IRAK1BP1: variants seen among roughly 807,000 people sequenced by gnomAD.
IRAK1BP1 encodes the protein interleukin 1 receptor associated kinase 1 binding protein 1, also known as interleukin-1 receptor-associated kinase 1-binding protein 1.
Under a neutral mutation model 28.0 loss-of-function variants are expected in IRAK1BP1, and 24 were observed. That is an observed-to-expected ratio of 0.86 (90% confidence interval 0.62 to 1.20). The LOEUF is 1.20. Ranked by LOEUF, IRAK1BP1 falls within the 50% of genes most tolerant of loss-of-function variation. The pLI, the probability that IRAK1BP1 is intolerant of heterozygous loss-of-function variation, is 0.00. For synonymous variants in IRAK1BP1, 131 were observed against 116.3 expected, an observed-to-expected ratio of 1.13 and a Z score of -0.81; for missense variants, 336 against 316.7, an observed-to-expected ratio of 1.06 and a Z score of -0.46.
chr6:78,956,252 T>C, the IRAK1BP1 span: 1 of 152,256 alleles, frequency 6.6e-6, no homozygotes, highest in African/African-American at 2.4e-5. Flanking sequence ...GTAATGGGAA[T>C]CTTGGTTTTT....
the IRAK1BP1 span, chr6:78,954,771 T>C: frequency 4.2e-5 from 55 of 1,325,238 alleles, no homozygotes; most frequent in East Asian, 4.0e-4. Flanking sequence ...AAAAGGTATG[T>C]AGCAAACTGA....
At chr6:78,911,585 A>AC (rs1213079379) in intron 4 of IRAK1BP1, among the ~76,000 whole-genome samples, 1 of 152,194 alleles carries the variant, frequency 6.6e-6, no homozygotes, top group African/African-American at 2.4e-5. Flanking sequence ...ATCCTGCAGG[A>AC]CTGCCACCTC....
At position 78,922,177 on chromosome 6, in the gene IRAK1BP1, A is replaced by T. The variant is rs551779934; in HGVS notation, c.*67+19067A>T. 6.2e-4 allele frequency among the ~76,000 whole-genome samples: 94 copies of T among 152,350 alleles called. No homozygotes were observed. In the South Asian group the frequency reaches 9.3e-3, roughly 15 times the overall value. Reference sequence around the variant, plus strand: ...TGGCAAAGAAGTTAAAAGTCTTGAAAAAAGATTAGATGAATGGCTAATTAG... The same window carrying T: ...TGGCAAAGAAGTTAAAAGTCTTGAATAAAGATTAGATGAATGGCTAATTAG... On this transcript the variant is annotated intron_variant and NMD_transcript_variant, in intron 4 of 4. Coordinates refer to the IRAK1BP1 transcript ENST00000606868.
downstream of IRAK1BP1, among the ~76,000 whole-genome samples, chr6:78,907,314 G>A (rs1373386592): frequency 6.6e-6 from 1 of 152,044 alleles, no homozygotes; most frequent in Non-Finnish European, 1.5e-5. Flanking sequence ...TTTCTTCCTA[G>A]TTATACCTAT....
chr6:78,910,718 G>A (rs764426542), intron 4 of IRAK1BP1, among the ~76,000 whole-genome samples: 7 of 152,270 alleles, frequency 4.6e-5, no homozygotes, highest in African/African-American at 1.2e-4. Flanking sequence ...CGCAGGCGGC[G>A]GCCGCAAGGA....
downstream of IRAK1BP1, among the ~76,000 whole-genome samples, chr6:78,907,662 A>C (rs1052354770): frequency 6.6e-6 from 1 of 152,208 alleles, no homozygotes; most frequent in East Asian, 1.9e-4. Flanking sequence ...AAATTGAGGT[A>C]GCCTAATTAT....
the IRAK1BP1 span, among the ~76,000 whole-genome samples, chr6:78,951,783 T>C: frequency 1.3e-5 from 2 of 152,220 alleles, no homozygotes; most frequent in African/African-American, 4.8e-5. Flanking sequence ...TTTCTTTATA[T>C]AAAAATTCAT....
chr6:78,868,576 A>G (rs1337135001), intron 1 of IRAK1BP1, among the ~76,000 whole-genome samples: 1 of 152,240 alleles, frequency 6.6e-6, no homozygotes, highest in Non-Finnish European at 1.5e-5. Flanking sequence ...ATCACTAAAC[A>G]AATCTTACCT....
chr6:78,943,989 TTAAAAAAAAAA>T (rs1477079575), intron 4 of IRAK1BP1, among the ~76,000 whole-genome samples: 1 of 46,822 alleles, frequency 2.1e-5, no homozygotes, highest in Admixed American at 2.7e-4. Flanking sequence ...CTGTCTTTTT[TTAAAAAAAAAA>T]AAAAAAAAAA....
chr6:78,896,964 C>A (rs917324516), intron 2 of IRAK1BP1, among the ~76,000 whole-genome samples: 1 of 151,950 alleles, frequency 6.6e-6, no homozygotes, highest in Admixed American at 6.6e-5. Flanking sequence ...GTTAAGGGTT[C>A]TTTAGAAGAA....
the IRAK1BP1 span, chr6:78,970,240 T>G: frequency 2.1e-6 from 3 of 1,402,496 alleles, no homozygotes; most frequent in Non-Finnish European, 2.9e-6. Flanking sequence ...CTGCTAAACA[T>G]TGTTGAGAAA....
chr6:78,977,744 T>C, the IRAK1BP1 span, among the ~76,000 whole-genome samples: 1 of 152,210 alleles, frequency 6.6e-6, no homozygotes, highest in Non-Finnish European at 1.5e-5. Flanking sequence ...CACTGTACTA[T>C]ATCACAACAA....
chr6:78,867,882 G>C lies in IRAK1BP1; in HGVS notation c.306G>C (p.Gln102His). ...LDYITQSLQQ[Q>H]GVQAENITVT... The stretch of plus-strand genomic sequence containing the variant: ...ACATCACGCAGAGCCTCCAGCAGCA[G>C]GGCGTGCAGGTGAGATCTCCGCGGG... Residue 102 changes from glutamine (Q) to histidine (H), a missense_variant, in exon 1 of 4, where the codon CAG becomes CAC. Gln to His is a conservative substitution (Grantham distance 24). Coordinates refer to ENST00000369940, the MANE Select transcript of IRAK1BP1 (RefSeq NM_001010844.4). 6.3e-7 allele frequency: 1 copy of C among 1,592,396 alleles called. No homozygotes were observed. Among genetic ancestry groups the C allele is most frequent in the Non-Finnish European group, 8.6e-7 (1 of 1,168,822 alleles).
intron 4 of IRAK1BP1, among the ~76,000 whole-genome samples, chr6:78,912,258 A>G (rs1772447227): frequency 6.6e-6 from 1 of 152,180 alleles, no homozygotes; most frequent in African/African-American, 2.4e-5. Flanking sequence ...GTGCCAGAAT[A>G]GAGAGCAAAG....
At chr6:78,955,265 A>T in the IRAK1BP1 span, 1 of 1,610,292 alleles carries the variant, frequency 6.2e-7, no homozygotes, top group Non-Finnish European at 8.5e-7. Flanking sequence ...CTGGCACATC[A>T]GCATCTTTCT....
the IRAK1BP1 span, chr6:78,955,187 T>G: frequency 8.2e-6 from 11 of 1,347,490 alleles, no homozygotes; most frequent in South Asian, 1.1e-4. Flanking sequence ...CTTAATACAT[T>G]TTAATTCATA....
chr6:78,906,227 CTTT>C (rs143597980), downstream of IRAK1BP1, among the ~76,000 whole-genome samples: 3 of 149,472 alleles, frequency 2.0e-5, no homozygotes, highest in African/African-American at 7.4e-5. Flanking sequence ...ATTGAATACT[CTTT>C]TTTTTTTCTG....
intron 1 of IRAK1BP1, among the ~76,000 whole-genome samples, chr6:78,883,538 A>G (rs1771305609): frequency 6.6e-6 from 1 of 152,164 alleles, no homozygotes; most frequent in South Asian, 2.1e-4. Context: ...TATCTCTCTA[A>G]TAATTTTTCA....
chr6:78,867,947 A>G lies in IRAK1BP1; in HGVS notation c.315+56A>G, dbSNP rs1770645020. 3 of 1,477,050 alleles carry G rather than the reference A, an allele frequency of 2.0e-6. 1 individual carries two copies. The highest frequency in any genetic ancestry group is 2.7e-6 in the Non-Finnish European group (3 of 1,107,468). 91.5% of individuals were successfully genotyped at this position (1,477,050 alleles called of 1,614,324 possible). A position where few individuals can be genotyped will look rare whatever the true frequency, so the allele number is the denominator to read the frequency against. On this transcript the variant is annotated intron_variant, in intron 1 of 3. Transcript: ENST00000369940. ...CCGGAAGACACAAAAGGGTTGGCAGATGGTCGGGCCCCACAGGCCCCCCTA... is the reference window on the plus strand; with the variant it reads ...CCGGAAGACACAAAAGGGTTGGCAGGTGGTCGGGCCCCACAGGCCCCCCTA...
Sources: allele counts gnomAD v4.1 joint callset (sites outside exome capture counted in the v4.1 genomes callset), GRCh38; gene constraint gnomAD v4.1.1; transcripts MANE v1.5; gene names NCBI Gene and HGNC (gene_info 2026-07-23, HGNC 2026-07-21).